ZNF627: variants seen among roughly 807,000 people sequenced by gnomAD.
The protein encoded by ZNF627 is zinc finger protein 627.
A neutral mutation model predicts 10.6 loss-of-function variants in ZNF627; 12 were observed. That is an observed-to-expected ratio of 1.13 (90% CI 0.73 to 1.84). The LOEUF (loss-of-function observed/expected upper bound fraction) is 1.84. Among genes scored for constraint, ZNF627 ranks in the 40% most tolerant of loss-of-function variants. The probability of loss-of-function intolerance (pLI) is 0.00; values close to 1 mark genes in which losing one functional copy is unlikely to be tolerated. For missense variants in ZNF627, 504 were observed against 568.4 expected (o/e 0.89, Z 1.15); for synonymous variants, 176 against 187.1 (o/e 0.94, Z 0.48).
In ZNF627 at chr19:11,617,400, G is replaced by T. The variant is rs1424390537; in HGVS notation, c.897G>T (p.Arg299Ser). 1.1e-5 allele frequency: 17 copies of T among 1,613,890 alleles called. No individual in the cohort carries two copies. The highest frequency in any genetic ancestry group is 1.4e-5 in the Non-Finnish European group (16 of 1,180,014). ...CCAGTTCTGTTCGAAGTCACGAGAGGACTCACACCGGAGAGAAACTTTTTG... is the reference window on the plus strand; with the variant it reads ...CCAGTTCTGTTCGAAGTCACGAGAGTACTCACACCGGAGAGAAACTTTTTG... ...RCASSVRSHE[R>S]THTGEKLFEC... The change falls in exon 4 of 4, where the codon AGG becomes AGT. Residue 299 changes from arginine (R) to serine (S), a missense_variant. Physicochemically the swap from Arg to Ser is moderately radical, Grantham distance 110. Coordinates refer to ENST00000361113, the MANE Select transcript of ZNF627 (RefSeq NM_145295.4).
rs1973912795 is a variant in ZNF627, at chr19:11,618,168, A to G, written c.*279A>G. 1 of 359,992 alleles carries G rather than the reference A, an allele frequency of 2.8e-6. No homozygotes were observed. Among genetic ancestry groups the G allele is most frequent in the East Asian group, 4.4e-5 (1 of 22,592 alleles). 22.3% of individuals were successfully genotyped at this position (359,992 alleles called of 1,614,324 possible). ...CCATGATACAATTCACCAGTAACCT[A>G]TCTTACATGAGATTCGGAAGTAAGT... is the stretch of plus-strand genomic sequence containing the variant. On this transcript the variant is annotated 3_prime_UTR_variant, in exon 4 of 4. Transcript: ENST00000361113.
At chr19:11,608,497 C>CTTTTT (rs879764668) in intron 1 of ZNF627, among the ~76,000 whole-genome samples, 4 of 152,048 alleles carry the variant, frequency 2.6e-5, no homozygotes, top group Non-Finnish European at 4.4e-5. Context: ...AAAGATTTAT[C>CTTTTT]TTTTTGTCAG....
rs556024615 is a variant in ZNF627 at position 11,601,274 on chromosome 19, G to A, written c.3+3644G>A. 3.2e-3 allele frequency among the ~76,000 whole-genome samples: 487 copies of A among 152,158 alleles called. 5 individuals carry two copies. The highest frequency in any genetic ancestry group is 4.3e-3 in the Non-Finnish European group (295 of 68,024). On this transcript the variant is annotated intron_variant, in intron 1 of 3. Coordinates refer to ENST00000361113, the MANE Select transcript of ZNF627 (RefSeq NM_145295.4). ...ATGTACTTGCTATTATCTTGGGTCT[G>A]TTTGTAGACGTTTCTAATGAAACAA...
chr19:11,605,551 AG>A (rs1973660110), intron 1 of ZNF627, among the ~76,000 whole-genome samples: 1 of 152,068 alleles, frequency 6.6e-6, no homozygotes, highest in Admixed American at 6.6e-5. Context: ...TGCAGACTAA[AG>A]GTGGGGGAAA....
intron 1 of ZNF627, among the ~76,000 whole-genome samples, chr19:11,612,558 A>T (rs1015692338): frequency 4.0e-5 from 6 of 148,806 alleles, no homozygotes; most frequent in African/African-American, 1.5e-4. Context: ...AGTTTCTGGG[A>T]CTACACCAGC....
Position 11,617,245 on chromosome 19 carries a change from GAT to G in ZNF627, c.744_745del (p.Asp248GlufsTer4). On this transcript the variant is annotated frameshift_variant, in exon 4 of 4. Transcript: ENST00000361113. LOFTEE classifies it low-confidence loss of function (END_TRUNC). ...IRIHERTHTG[D>X]KPYECKQCGK... ...AATACATGAAAGGACTCACACTGGA[GAT>G]AAACCCTATGAATGCAAGCAGTGTG... 1.2e-6 allele frequency: 2 copies of G among 1,613,846 alleles called. No homozygotes were observed. Among genetic ancestry groups the G allele is most frequent in the Non-Finnish European group, 1.7e-6 (2 of 1,179,990 alleles).
intron 1 of ZNF627, among the ~76,000 whole-genome samples, chr19:11,606,844 G>A (rs1056426510): frequency 2.6e-5 from 4 of 152,196 alleles, no homozygotes; most frequent in Non-Finnish European, 4.4e-5. Context: ...TGCACCCTCC[G>A]AAGCCATGAC....
In ZNF627 at chr19:11,616,929, C is replaced by G. The variant is rs1332948866; in HGVS notation, c.426C>G (p.Asn142Lys). 1.2e-6 allele frequency: 2 copies of G among 1,614,128 alleles called. No homozygotes were observed. The highest frequency in any genetic ancestry group is 1.1e-5 in the South Asian group (1 of 91,084). The change falls in exon 4 of 4, where the codon AAC (asparagine) becomes AAG (lysine). Residue 142 changes from asparagine (N) to lysine (K), a missense_variant. Asn to Lys is a moderately conservative substitution (Grantham distance 94, BLOSUM62 0). Coordinates refer to ENST00000361113, the MANE Select transcript of ZNF627 (RefSeq NM_145295.4). Reference protein sequence around the residue: ...QEYGKKSYTRNQCGRALSYHR... With the variant: ...QEYGKKSYTRKQCGRALSYHR... Reference sequence around the variant, plus strand: ...ATGGAAAGAAGTCATATACACGTAACCAGTGTGGACGAGCCTTGAGTTATC... The same window carrying G: ...ATGGAAAGAAGTCATATACACGTAAGCAGTGTGGACGAGCCTTGAGTTATC...
chr19:11,606,818 G>T (rs970344025), intron 1 of ZNF627, among the ~76,000 whole-genome samples: 1 of 152,236 alleles, frequency 6.6e-6, no homozygotes, highest in African/African-American at 2.4e-5. Flanking sequence ...CATGGCAGCT[G>T]CTGTGGCTTG....
chr19:11,616,438 G>A (rs978368213), intron 3 of ZNF627, among the ~76,000 whole-genome samples: 4 of 152,032 alleles, frequency 2.6e-5, no homozygotes, highest in South Asian at 4.2e-4. Context: ...GGCATAAAAC[G>A]TACACTTTCC....
At chr19:11,608,308 A>T (rs1168490000) in intron 1 of ZNF627, among the ~76,000 whole-genome samples, 1 of 152,138 alleles carries the variant, frequency 6.6e-6, no homozygotes. Context: ...GCACAGCCAA[A>T]CCGTATCAGG....
At chr19:11,611,993 G>C (rs764136830) in intron 1 of ZNF627, among the ~76,000 whole-genome samples, 51 of 151,780 alleles carry the variant, frequency 3.4e-4, no homozygotes, top group Non-Finnish European at 7.4e-4. Context: ...TAGGATTTTA[G>C]TCCAAAAAAA....
intron 1 of ZNF627, among the ~76,000 whole-genome samples, chr19:11,606,596 A>G (rs1481689461): frequency 6.6e-6 from 1 of 152,006 alleles, no homozygotes; most frequent in Non-Finnish European, 1.5e-5. Flanking sequence ...TCACAGCTCT[A>G]CTAGGCAGTG....
chr19:11,609,471 T>TTATATATATATATATATATATATA (rs1168205815), intron 1 of ZNF627, among the ~76,000 whole-genome samples: 2 of 54,010 alleles, frequency 3.7e-5, no homozygotes, highest in East Asian at 5.7e-4. Context: ...TTAAAAAATT[T>TTATATATATATATATATATATATA]TATATATATA....
intron 1 of ZNF627, among the ~76,000 whole-genome samples, chr19:11,600,309 G>A (rs1005012594): frequency 6.6e-6 from 1 of 151,856 alleles, no homozygotes; most frequent in South Asian, 2.1e-4. Context: ...GCATGGTGGC[G>A]GGTGCCTGTA....
At position 11,617,592 on chromosome 19, in the gene ZNF627, T is replaced by C. The variant is rs1252217789; in HGVS notation, c.1089T>C (p.Tyr363=). ...HERTHTGEKP[Y]DCKQCGKAFS... ...GGACCCACACTGGAGAGAAACCCTA[T>C]GATTGTAAGCAATGTGGGAAAGCCT... Residue 363 remains tyrosine (Y), a synonymous_variant, in exon 4 of 4, where the codon TAT becomes TAC. Transcript: ENST00000361113. 6.2e-7 allele frequency: 1 copy of C among 1,613,936 alleles called. No individual in the cohort carries two copies. Among genetic ancestry groups the C allele is most frequent in the Non-Finnish European group, 8.5e-7 (1 of 1,179,972 alleles).
intron 3 of ZNF627, 140 bp downstream of exon 3, chr19:11,615,027 A>C (rs1599663862): frequency 1.6e-6 from 1 of 640,400 alleles, no homozygotes; most frequent in Non-Finnish European, 2.6e-6. Flanking sequence ...GCTCACTGCA[A>C]CCTCCGCCTC....
intron 1 of ZNF627, among the ~76,000 whole-genome samples, chr19:11,607,388 A>T (rs1241797003): frequency 5.9e-5 from 9 of 151,992 alleles, no homozygotes; most frequent in Non-Finnish European, 1.2e-4. Context: ...CGCCTGCCTC[A>T]GCCTCCCAAG....
chr19:11,618,108 A>G lies in ZNF627; in HGVS notation c.*219A>G, dbSNP rs550175314. 6.4e-4 allele frequency: 292 copies of G among 454,080 alleles called. 2 individuals carry two copies. The highest frequency in any genetic ancestry group is 5.3e-3 in the African/African-American group (263 of 49,678). The allele number at this position is 454,080 out of a possible 1,614,324, so 28.1% of individuals were successfully genotyped here. ...GTTATGTCAGTGTTGGTAGGTTAGG[A>G]ACTAGATTTCCCAGAATCCATTCCA... On this transcript the variant is annotated 3_prime_UTR_variant, in exon 4 of 4. Coordinates refer to ENST00000361113, the MANE Select transcript of ZNF627 (RefSeq NM_145295.4).
Sources: gnomAD v4.1 joint callset for allele counts (sites outside exome capture counted in the v4.1 genomes callset) on GRCh38, gnomAD v4.1.1 for gene constraint, MANE v1.5 for transcripts, NCBI Gene and HGNC (gene_info 2026-07-23, HGNC 2026-07-21) for gene names.